The following ITGBL1 variants were observed in gnomAD, a reference collection of about 807,000 sequenced individuals.
The protein encoded by ITGBL1 is integrin subunit beta like 1, also known as integrin beta-like protein 1.
ITGBL1 carries 51 observed loss-of-function variants against 68.5 expected under a neutral mutation model. That is an observed-to-expected ratio of 0.74 (90% CI 0.59 to 0.94). The LOEUF is 0.94. ITGBL1 is among the 40% of genes least tolerant of loss of function. The probability of loss-of-function intolerance (pLI) is 0.00; values close to 1 mark genes in which losing one functional copy is unlikely to be tolerated. For synonymous variants in ITGBL1, 209 were observed against 227.3 expected (o/e 0.92, Z 0.72); for missense variants, 649 against 647.4 (o/e 1.00, Z -0.03).
intron 2 of ITGBL1, among the ~76,000 whole-genome samples, chr13:101,532,809 A>G (rs2049506974): frequency 6.6e-6 from 1 of 152,220 alleles, no homozygotes; most frequent in South Asian, 2.1e-4. Context: ...GGAAGCCTAG[A>G]GCATTAGGTC....
At chr13:101,715,515 T>G in intron 10 of ITGBL1, 48 bp from the exon 11 acceptor site, 1 of 1,263,812 alleles carries the variant, frequency 7.9e-7, no homozygotes, top group Non-Finnish European at 1.2e-6. Context: ...TGTTTAAATT[T>G]GGCACATTTT....
chr13:101,678,848 A>G (rs1304075826), intron 7 of ITGBL1, among the ~76,000 whole-genome samples: 1 of 152,066 alleles, frequency 6.6e-6, no homozygotes, highest in Non-Finnish European at 1.5e-5. Flanking sequence ...CAAAGTGACT[A>G]GAGCCTGATT....
At chr13:101,671,429 T>TC (rs1192504109) in intron 7 of ITGBL1, among the ~76,000 whole-genome samples, 2,208 of 70,524 alleles carry the variant, frequency 0.031, 82 homozygotes, top group African/African-American at 0.093. Context: ...TACCTTTGTT[T>TC]TTTTTTTGTT....
chr13:101,685,470 CTAA>C (rs1403646536), intron 7 of ITGBL1, among the ~76,000 whole-genome samples: 2 of 152,030 alleles, frequency 1.3e-5, no homozygotes, highest in Non-Finnish European at 2.9e-5. Context: ...AGACCATCTG[CTAA>C]TAATGATCTT....
chr13:101,558,719 C>A (rs1480086793), intron 2 of ITGBL1, among the ~76,000 whole-genome samples: 1 of 152,156 alleles, frequency 6.6e-6, no homozygotes, highest in East Asian at 1.9e-4. Context: ...AAGGGACATG[C>A]CTTGCCTCCC....
chr13:101,467,488 G>A (rs1594826931), intron 2 of ITGBL1, among the ~76,000 whole-genome samples: 1 of 152,144 alleles, frequency 6.6e-6, no homozygotes, highest in African/African-American at 2.4e-5. Context: ...AGAGCTGCAT[G>A]GGGGTTGCAA....
chr13:101,720,552 GTGTGTGTGTGTGTATA>G (rs1166741283), downstream of ITGBL1: 2 of 151,330 alleles, frequency 1.3e-5, no homozygotes, highest in East Asian at 2.0e-4. Flanking sequence ...GTGTGTGTGT[GTGTGTGTGTGTGTATA>G]TGTGTGTGTT....
At chr13:101,708,371 T>C (rs554564194) in intron 9 of ITGBL1, among the ~76,000 whole-genome samples, 2 of 151,306 alleles carry the variant, frequency 1.3e-5, no homozygotes, top group Non-Finnish European at 3.0e-5. Context: ...CAGACACACT[T>C]TTTTTTTTCT....
intron 7 of ITGBL1, among the ~76,000 whole-genome samples, chr13:101,615,895 G>A (rs1445730398): frequency 1.3e-5 from 2 of 152,198 alleles, no homozygotes; most frequent in Non-Finnish European, 2.9e-5. Context: ...TGCCATCTAT[G>A]TGTAGGAAGC....
chr13:101,688,746 T>G (rs1227679859), intron 7 of ITGBL1, among the ~76,000 whole-genome samples: 2 of 152,216 alleles, frequency 1.3e-5, no homozygotes, highest in African/African-American at 4.8e-5. Context: ...AAAACACAAA[T>G]GAAGGTATTC....
At chr13:101,700,789 T>G (rs1000101921) in intron 8 of ITGBL1, among the ~76,000 whole-genome samples, 1 of 152,242 alleles carries the variant, frequency 6.6e-6, no homozygotes, top group Non-Finnish European at 1.5e-5. Context: ...ACTTTTCATT[T>G]GTTTTTCTAG....
chr13:101,467,045 C>T (rs1477338472), intron 2 of ITGBL1, among the ~76,000 whole-genome samples: 1 of 152,110 alleles, frequency 6.6e-6, no homozygotes. Flanking sequence ...CAACTGTATC[C>T]TCACATGTTG....
chr13:101,653,128 A>G lies in ITGBL1; in HGVS notation c.1016-39457A>G, dbSNP rs182295562. 1.7e-3 allele frequency among the ~76,000 whole-genome samples: 245 copies of G among 147,306 alleles called. 4 individuals are homozygous for G. The highest frequency in any genetic ancestry group is 0.015 in the Admixed American group (221 of 14,762). ...AGAAAGAAAAAGAAGGAAGGAAGGA[A>G]GGAAACAAGGGGGAGGGGGAGGAGG... On this transcript the variant is annotated intron_variant, in intron 7 of 10. Coordinates refer to ENST00000376180, the MANE Select transcript of ITGBL1 (RefSeq NM_004791.3).
At position 101,706,850 on chromosome 13, in the gene ITGBL1, A is replaced by G; in HGVS notation, c.1227A>G (p.Glu409=). 6.2e-7 allele frequency: 1 copy of G among 1,614,206 alleles called. No homozygotes were observed. The highest frequency in any genetic ancestry group is 8.5e-7 in the Non-Finnish European group (1 of 1,180,034). The change falls in exon 9 of 11, where the codon GAA becomes GAG. Residue 409 remains glutamate, a synonymous_variant. Coordinates refer to ENST00000376180, the MANE Select transcript of ITGBL1 (RefSeq NM_004791.3). ...QHPRKCNMTE[E]QSKNLCESAD... is the part of the protein sequence containing the mutation. Reference sequence around the variant, plus strand: ...CGCGGAAGTGTAACATGACGGAAGAACAAAGCAAGAATCTGTGTGAATCAG... The same window carrying G: ...CGCGGAAGTGTAACATGACGGAAGAGCAAAGCAAGAATCTGTGTGAATCAG...
At chr13:101,678,845 A>G (rs543049604) in intron 7 of ITGBL1, among the ~76,000 whole-genome samples, 1 of 152,138 alleles carries the variant, frequency 6.6e-6, no homozygotes, top group East Asian at 1.9e-4. Context: ...GTTCAAAGTG[A>G]CTAGAGCCTG....
chr13:101,613,859 C>T (rs745982546), intron 7 of ITGBL1, among the ~76,000 whole-genome samples: 1 of 152,122 alleles, frequency 6.6e-6, no homozygotes, highest in Non-Finnish European at 1.5e-5. Context: ...TGAAGACTCA[C>T]CACTCTGCAG....
intron 7 of ITGBL1, among the ~76,000 whole-genome samples, chr13:101,613,396 C>T (rs1452439761): frequency 5.3e-5 from 8 of 152,100 alleles, no homozygotes; most frequent in Non-Finnish European, 8.8e-5. Flanking sequence ...GACAAGGCAA[C>T]GGATGTCATA....
chr13:101,647,771 G>T (rs2032610346), intron 7 of ITGBL1, among the ~76,000 whole-genome samples: 1 of 152,182 alleles, frequency 6.6e-6, no homozygotes, highest in Admixed American at 6.5e-5. Context: ...CATGACCTTG[G>T]AGACAAAGGA....
At chr13:101,682,399 T>C (rs975680483) in intron 7 of ITGBL1, among the ~76,000 whole-genome samples, 11 of 152,124 alleles carry the variant, frequency 7.2e-5, no homozygotes, top group African/African-American at 2.7e-4. Flanking sequence ...TTGCAGTATC[T>C]TATGGATAAC....
Sources: gnomAD v4.1 joint callset for allele counts (sites outside exome capture counted in the v4.1 genomes callset) on GRCh38, gnomAD v4.1.1 for gene constraint, MANE v1.5 for transcripts, NCBI Gene and HGNC (gene_info 2026-07-23, HGNC 2026-07-21) for gene names.